The following CHLSN variants were observed in gnomAD, a reference collection of about 807,000 sequenced individuals.
CHLSN encodes the protein protein cholesin.
chr7:1,092,107 G>A, the CHLSN span: 46 of 1,613,652 alleles, frequency 2.9e-5, no homozygotes, highest in Middle Eastern at 3.3e-4. Flanking sequence ...CTACGACATC[G>A]CCGTCCTGTG....
chr7:1,026,670 G>C, the CHLSN span: 1 of 152,194 alleles, frequency 6.6e-6, no homozygotes, highest in African/African-American at 2.4e-5. Flanking sequence ...CATTATTAAC[G>C]TTTAAAAAAC....
chr7:1,065,562 G>A, the CHLSN span, among the ~76,000 whole-genome samples: 5 of 152,214 alleles, frequency 3.3e-5, no homozygotes, highest in Non-Finnish European at 7.3e-5. Flanking sequence ...AGCTAGATGT[G>A]AGCACGTGCA....
the CHLSN span, chr7:1,028,411 C>A: frequency 1.0e-6 from 1 of 985,990 alleles, no homozygotes; most frequent in Admixed American, 6.2e-5. Context: ...CAGATCCAGC[C>A]GGCTGGACCG....
At chr7:1,044,326 TCC>T in the CHLSN span, among the ~76,000 whole-genome samples, 1 of 152,244 alleles carries the variant, frequency 6.6e-6, no homozygotes, top group South Asian at 2.1e-4. Flanking sequence ...TGGGTGTGTG[TCC>T]TCCCACAGGG....
the CHLSN span, among the ~76,000 whole-genome samples, chr7:1,023,942 G>A: frequency 6.6e-6 from 1 of 151,870 alleles, no homozygotes; most frequent in Non-Finnish European, 1.5e-5. This position sits in a 1 kb window ranked among gnomAD's most constrained non-coding sequence, Gnocchi z 5.0. Context: ...CTGGGCTCAA[G>A]CAATCCTCCC....
chr7:1,046,035 C>T, the CHLSN span, among the ~76,000 whole-genome samples: 4 of 152,236 alleles, frequency 2.6e-5, no homozygotes, highest in African/African-American at 4.8e-5. Flanking sequence ...AAAGGGCGCG[C>T]ACCTCATGTG....
chr7:1,110,101 G>A, the CHLSN span, among the ~76,000 whole-genome samples: 12 of 152,166 alleles, frequency 7.9e-5, no homozygotes, highest in Non-Finnish European at 1.2e-4. Flanking sequence ...AGGCGAGCGG[G>A]TGCCCACAGG....
the CHLSN span, among the ~76,000 whole-genome samples, chr7:1,134,077 G>A: frequency 3.3e-5 from 5 of 152,126 alleles, no homozygotes; most frequent in East Asian, 1.9e-4. Flanking sequence ...GATTGCAGGC[G>A]TGAGCCACCA....
At chr7:1,115,057 C>G in the CHLSN span, among the ~76,000 whole-genome samples, 3 of 152,238 alleles carry the variant, frequency 2.0e-5, no homozygotes, top group African/African-American at 7.2e-5. Context: ...TACCAGACTG[C>G]AGTCCACAAA....
chr7:1,109,353 C>T, the CHLSN span: 77,704 of 152,048 alleles, frequency 0.51, 20,383 homozygotes, highest in African/African-American at 0.61. Context: ...GAATTAAGAC[C>T]CTTCAAGTGG....
At chr7:1,022,942 C>G in the CHLSN span, 2 of 465,164 alleles carry the variant, frequency 4.3e-6, no homozygotes, top group Non-Finnish European at 8.7e-6. Context: ...GGCGCAGACA[C>G]TGGGGCAGGC....
chr7:995,915 T>C, the CHLSN span, among the ~76,000 whole-genome samples: 1 of 152,164 alleles, frequency 6.6e-6, no homozygotes, highest in Non-Finnish European at 1.5e-5. Flanking sequence ...GCAAACAGCC[T>C]CATCTCCTTC....
the CHLSN span, chr7:987,312 G>A: frequency 6.5e-7 from 1 of 1,536,942 alleles, no homozygotes; most frequent in Admixed American, 1.8e-5. Context: ...ACGAGGGATG[G>A]CGCTGCCACC....
the CHLSN span, among the ~76,000 whole-genome samples, chr7:1,060,000 CT>C: frequency 1.0e-5 from 1 of 97,996 alleles, no homozygotes; most frequent in Non-Finnish European, 2.2e-5. Flanking sequence ...TGGGGCGGGT[CT>C]GTAGTGGGGC....
the CHLSN span, among the ~76,000 whole-genome samples, chr7:982,168 C>G: frequency 6.6e-6 from 1 of 152,240 alleles, no homozygotes; most frequent in Non-Finnish European, 1.5e-5. Context: ...CCGCCCAGCC[C>G]TGGCCCTGAG....
the CHLSN span, among the ~76,000 whole-genome samples, chr7:1,118,508 A>T: frequency 0.041 from 6,208 of 152,234 alleles, 314 homozygotes; most frequent in African/African-American, 0.12. Flanking sequence ...CTAACAAGAA[A>T]CAAGCAAGAC....
the CHLSN span, among the ~76,000 whole-genome samples, chr7:996,618 G>A: frequency 7.2e-5 from 11 of 152,312 alleles, no homozygotes; most frequent in Non-Finnish European, 1.6e-4. Flanking sequence ...GTGGGGCACG[G>A]ACCTCCTCGC....
the CHLSN span, among the ~76,000 whole-genome samples, chr7:1,035,198 A>G: frequency 1.6e-3 from 242 of 151,268 alleles, no homozygotes; most frequent in African/African-American, 5.5e-3. Context: ...TATTGTGAAC[A>G]GTGCTGGGCT....
chr7:1,013,993 C>T, the CHLSN span, among the ~76,000 whole-genome samples: 49 of 152,320 alleles, frequency 3.2e-4, no homozygotes, highest in African/African-American at 9.6e-4. Context: ...ACTGCGACCC[C>T]GAGGACTGGG....
Sources: gnomAD v4.1 joint callset for allele counts (sites outside exome capture counted in the v4.1 genomes callset) on GRCh38, gnomAD v4.1.1 for gene constraint, Gnocchi (gnomAD v3.1) non-coding constraint, MANE v1.5 for transcripts, NCBI Gene and HGNC (gene_info 2026-07-23, HGNC 2026-07-21) for gene names.